The following NAALADL2 variants were observed in gnomAD, a reference collection of about 807,000 sequenced individuals.
NAALADL2 encodes the protein N-acetylated alpha-linked acidic dipeptidase like 2.
A neutral mutation model predicts 87.2 loss-of-function variants in NAALADL2; 76 were observed. The ratio of observed to expected loss-of-function variants is 0.87; its 90% CI spans 0.72 to 1.05. NAALADL2 has a LOEUF of 1.05. Among genes scored for constraint, NAALADL2 ranks in the 50% least tolerant of loss-of-function variants. The pLI, the probability that NAALADL2 is intolerant of heterozygous loss-of-function variation, is 0.00. For missense variants in NAALADL2, 1,089 were observed against 945.8 expected (o/e 1.15, Z -1.99); for synonymous variants, 354 against 331.0 (o/e 1.07, Z -0.75).
intron 5 of NAALADL2, among the ~76,000 whole-genome samples, chr3:175,366,506 C>G (rs1765590456): frequency 6.6e-6 from 1 of 151,482 alleles, no homozygotes; most frequent in Non-Finnish European, 1.5e-5. Context: ...TTCTCCACAT[C>G]CTCTCCAGCA....
At chr3:174,641,192 C>T (rs1392573741) in intron 2 of NAALADL2, among the ~76,000 whole-genome samples, 4 of 152,132 alleles carry the variant, frequency 2.6e-5, no homozygotes, top group African/African-American at 4.8e-5. Context: ...GTCTCCACAG[C>T]TGCAAGAGAT....
At chr3:174,750,568 G>A (rs539628137) in intron 3 of NAALADL2, among the ~76,000 whole-genome samples, 281 of 152,028 alleles carry the variant, frequency 1.8e-3, no homozygotes, top group Non-Finnish European at 2.9e-3. Flanking sequence ...TGAGTAGCTG[G>A]GATTAAAGGT....
At chr3:174,643,603 G>A (rs917453340) in intron 2 of NAALADL2, among the ~76,000 whole-genome samples, 2 of 152,068 alleles carry the variant, frequency 1.3e-5, no homozygotes, top group Admixed American at 1.3e-4. Context: ...GCAGTGAGCC[G>A]AGATTATGCC....
At chr3:174,717,767 A>G (rs560448774) in intron 2 of NAALADL2, among the ~76,000 whole-genome samples, 11 of 151,514 alleles carry the variant, frequency 7.3e-5, no homozygotes, top group Non-Finnish European at 1.6e-4. Flanking sequence ...TAGGAATTGT[A>G]TTTTTTTTTC....
chr3:174,743,809 T>A (rs888972290), intron 3 of NAALADL2, among the ~76,000 whole-genome samples: 2 of 151,916 alleles, frequency 1.3e-5, no homozygotes, highest in Non-Finnish European at 2.9e-5. Flanking sequence ...AGAACATATT[T>A]TTTTTTCATT....
intron 5 of NAALADL2, among the ~76,000 whole-genome samples, chr3:175,355,294 T>G (rs934727627): frequency 3.9e-5 from 6 of 151,944 alleles, no homozygotes; most frequent in African/African-American, 1.5e-4. Context: ...CTCGAACTCC[T>G]GACATCAAGT....
intron 1 of NAALADL2, among the ~76,000 whole-genome samples, chr3:175,027,551 A>G (rs1255565428): frequency 2.6e-5 from 4 of 152,172 alleles, no homozygotes; most frequent in Non-Finnish European, 5.9e-5. Flanking sequence ...AATAACCGTG[A>G]TGATACCATT....
chr3:174,649,784 A>T (rs937327069), intron 2 of NAALADL2, among the ~76,000 whole-genome samples: 1 of 152,184 alleles, frequency 6.6e-6, no homozygotes, highest in Non-Finnish European at 1.5e-5. Flanking sequence ...GAATTAATTC[A>T]TGTGGAAGCT....
chr3:174,716,341 A>ATTTTG, intron 2 of NAALADL2, among the ~76,000 whole-genome samples: 1 of 151,982 alleles, frequency 6.6e-6, no homozygotes, highest in East Asian at 1.9e-4. Context: ...TTTTTTGCTT[A>ATTTTG]TTTTGTTTTG....
intron 11 of NAALADL2, among the ~76,000 whole-genome samples, chr3:175,672,249 AC>A (rs1582847089): frequency 6.6e-6 from 1 of 152,062 alleles, no homozygotes; most frequent in Non-Finnish European, 1.5e-5. Flanking sequence ...TTCCATCTTA[AC>A]CCCATCCGGG....
chr3:175,019,320 G>A (rs1028363864), intron 1 of NAALADL2, among the ~76,000 whole-genome samples: 9 of 151,834 alleles, frequency 5.9e-5, no homozygotes, highest in Non-Finnish European at 1.2e-4. Context: ...ATTATAATCC[G>A]CTAAGAAATT....
At chr3:174,512,086 A>G (rs891960691) in intron 1 of NAALADL2, among the ~76,000 whole-genome samples, 2 of 151,574 alleles carry the variant, frequency 1.3e-5, no homozygotes, top group African/African-American at 4.9e-5. Context: ...AACTTTGTAT[A>G]CATGCAAATT....
chr3:175,728,573 A>G (rs1390263280), intron 11 of NAALADL2, among the ~76,000 whole-genome samples: 1 of 152,102 alleles, frequency 6.6e-6, no homozygotes, highest in Non-Finnish European at 1.5e-5. Context: ...TTTGTTATCC[A>G]CAGGATATTT....
chr3:175,345,143 T>TAAATAA (rs1291565665), intron 5 of NAALADL2, among the ~76,000 whole-genome samples: 1 of 143,248 alleles, frequency 7.0e-6, no homozygotes, highest in African/African-American at 2.6e-5. Flanking sequence ...AAATAAAAAT[T>TAAATAA]AAATAAATAT....
intron 5 of NAALADL2, among the ~76,000 whole-genome samples, chr3:175,445,294 A>AT (rs1285294075): frequency 1.3e-5 from 2 of 151,910 alleles, no homozygotes; most frequent in South Asian, 2.1e-4. Context: ...TCTTATTTTT[A>AT]TTTTTTATTT....
At chr3:175,016,486 T>A (rs1334197305) in intron 1 of NAALADL2, among the ~76,000 whole-genome samples, 1 of 151,350 alleles carries the variant, frequency 6.6e-6, no homozygotes, top group Non-Finnish European at 1.5e-5. Flanking sequence ...GATTAACCCC[T>A]GCTAAAGGGG....
intron 11 of NAALADL2, among the ~76,000 whole-genome samples, chr3:175,645,816 A>G (rs549761356): frequency 1.3e-5 from 2 of 152,260 alleles, no homozygotes; most frequent in East Asian, 3.9e-4. Context: ...AAAGGGTTCT[A>G]AAAACCAATA....
chr3:175,188,881 A>G (rs1008084939), intron 2 of NAALADL2, among the ~76,000 whole-genome samples: 16 of 151,558 alleles, frequency 1.1e-4, no homozygotes, highest in Admixed American at 5.9e-4. Context: ...CTATGCCCTG[A>G]TCTCCAGGAC....
chr3:174,667,423 G>C (rs1726063220), intron 2 of NAALADL2, among the ~76,000 whole-genome samples: 1 of 152,070 alleles, frequency 6.6e-6, no homozygotes, highest in Non-Finnish European at 1.5e-5. Flanking sequence ...ACACAGGGGA[G>C]GAAGTGAGCA....
Sources: gnomAD v4.1 joint callset for allele counts (sites outside exome capture counted in the v4.1 genomes callset) on GRCh38, gnomAD v4.1.1 for gene constraint, MANE v1.5 for transcripts, NCBI Gene and HGNC (gene_info 2026-07-23, HGNC 2026-07-21) for gene names.